TEKT1: variants seen among roughly 807,000 people sequenced by gnomAD.
TEKT1 encodes tektin-1.
A neutral mutation model predicts 34.8 loss-of-function variants in TEKT1; 32 were observed. The observed-to-expected ratio is 0.92, with a 90% CI of 0.69 to 1.23. The LOEUF is 1.23. Among genes scored for constraint, TEKT1 ranks in the 50% most tolerant of loss-of-function variants. The probability of loss-of-function intolerance (pLI) is 0.00; values close to 1 mark genes in which losing one functional copy is unlikely to be tolerated. For missense variants in TEKT1, 492 were observed against 518.5 expected, an observed-to-expected ratio of 0.95 and a Z score of 0.50; for synonymous variants, 207 against 199.8, an observed-to-expected ratio of 1.04 and a Z score of -0.30.
chr17:6,823,914 C>G (rs1385982513), intron 2 of TEKT1, among the ~76,000 whole-genome samples: 1 of 151,316 alleles, frequency 6.6e-6, no homozygotes, highest in East Asian at 2.0e-4. Flanking sequence ...GCTCCGCCTC[C>G]CAGGTTCACA....
Position 6,811,779 on chromosome 17 carries a change from A to G in TEKT1, c.852+1052T>C, listed in dbSNP as rs893986739. On this transcript the variant is annotated intron_variant, in intron 6 of 7. Transcript: ENST00000338694. This position sits in a 1 kb window ranked among gnomAD's most constrained non-coding sequence, Gnocchi z 4.4. ...CTCTGTTTCAGCTTCACCAGCAGTA[A>G]AGCGTAGGGTGGGCTGACAGTGGCC... Among the ~76,000 whole-genome samples the G allele has an allele frequency of 4.6e-5, 7 of 152,140 alleles. No homozygotes were observed. The highest frequency in any genetic ancestry group is 7.4e-5 in the Non-Finnish European group (5 of 68,016).
At position 6,800,079 on chromosome 17, in the gene TEKT1, C is replaced by G; in HGVS notation, c.1205G>C (p.Gly402Ala). ...CCCAGCCCAGACCCCATGGTCTTCC[C>G]CATCCCGAAGTGGGATGGATTTCCT... is the stretch of plus-strand genomic sequence containing the variant. ...QMRKSIPLRD[G>A]EDHGVWAGGL... is the part of the protein sequence containing the mutation. The change falls in exon 8 of 8, where the codon GGG becomes GCG. Residue 402 changes from glycine (G) to alanine (A), a missense_variant. Transcript: ENST00000338694. 1.9e-6 allele frequency: 3 copies of G among 1,613,134 alleles called. No homozygotes were observed. Among genetic ancestry groups the G allele is most frequent in the Non-Finnish European group, 2.5e-6 (3 of 1,179,972 alleles).
chr17:6,813,274 T>G (rs920103360), intron 5 of TEKT1, among the ~76,000 whole-genome samples: 4 of 152,144 alleles, frequency 2.6e-5, no homozygotes, highest in Non-Finnish European at 4.4e-5. Context: ...TCTCATTTAA[T>G]CCTCATGATG....
rs541294363 is a variant in TEKT1 at position 6,823,191 on chromosome 17, A to G, written c.191-3833T>C. On this transcript the variant is annotated intron_variant, in intron 2 of 7. Transcript: ENST00000338694. ...AGCCAGAGTGAAGAGGAAGCTCTTT[A>G]TAAAGACTTTCAACCAATCTTGTTT... 1.1e-3 allele frequency among the ~76,000 whole-genome samples: 174 copies of G among 152,290 alleles called. 2 individuals are homozygous for G. In the South Asian group the frequency reaches 0.025, roughly 22 times the overall value.
chr17:6,815,777 A>G (rs539109608), intron 4 of TEKT1, 57 bp downstream of exon 4: 2 of 1,605,926 alleles, frequency 1.2e-6, no homozygotes, highest in Non-Finnish European at 1.7e-6. Context: ...TTTTGTGGAC[A>G]CTGCCTTTTC....
At chr17:6,803,618 C>G (rs1469355651) in intron 6 of TEKT1, among the ~76,000 whole-genome samples, 1 of 152,096 alleles carries the variant, frequency 6.6e-6, no homozygotes, top group Non-Finnish European at 1.5e-5. Flanking sequence ...CTTTAATCCA[C>G]TTTGAATTGA....
rs915971660 is a variant in TEKT1 at position 6,819,206 on chromosome 17, A to G, written c.343T>C (p.Cys115Arg). ...LKEPLHITET[C>R]LAYREKRIGI... ...CTTCGCTCCTACCTGTATGCCAGGCATGTCTCAGTGATGTGCAAGGGCTCT... is the reference window on the plus strand; with the variant it reads ...CTTCGCTCCTACCTGTATGCCAGGCGTGTCTCAGTGATGTGCAAGGGCTCT... Residue 115 changes from cysteine (C) to arginine (R), a missense_variant, in exon 3 of 8, where the codon TGC becomes CGC. Coordinates refer to ENST00000338694, the MANE Select transcript of TEKT1 (RefSeq NM_053285.2). 1 of 1,612,632 alleles carries G rather than the reference A, an allele frequency of 6.2e-7. No homozygotes were observed. Among genetic ancestry groups the G allele is most frequent in the Non-Finnish European group, 8.5e-7 (1 of 1,179,536 alleles).
chr17:6,816,964 G>C (rs1977015473), intron 3 of TEKT1, among the ~76,000 whole-genome samples: 1 of 152,128 alleles, frequency 6.6e-6, no homozygotes, highest in South Asian at 2.1e-4. Flanking sequence ...GTTTTGATTT[G>C]CAGCCAGATG....
At chr17:6,823,665 C>T (rs902584214) in intron 2 of TEKT1, among the ~76,000 whole-genome samples, 3 of 152,128 alleles carry the variant, frequency 2.0e-5, no homozygotes, top group Non-Finnish European at 2.9e-5. Flanking sequence ...TGTGTACCCT[C>T]CACTATCCTA....
At chr17:6,809,017 T>C (rs9914923) in intron 6 of TEKT1, among the ~76,000 whole-genome samples, 87,760 of 151,962 alleles carry the variant, frequency 0.58, 25,511 homozygotes, top group African/African-American at 0.64. Flanking sequence ...TCTTTAGAGC[T>C]GTTTTAAGTT....
chr17:6,828,250 T>A (rs1441859580), intron 2 of TEKT1, among the ~76,000 whole-genome samples: 1 of 152,156 alleles, frequency 6.6e-6, no homozygotes, highest in Admixed American at 6.5e-5. Flanking sequence ...GGGCGCCTTC[T>A]CATTTTTAAC....
chr17:6,826,293 A>C (rs1904393240), intron 2 of TEKT1, among the ~76,000 whole-genome samples: 1 of 152,044 alleles, frequency 6.6e-6, no homozygotes, highest in Admixed American at 6.6e-5. Flanking sequence ...TTGTTTATTG[A>C]GTTATCTGCC....
chr17:6,819,051 G>C, intron 3 of TEKT1, 142 bp downstream of exon 3: 1 of 984,700 alleles, frequency 1.0e-6, no homozygotes, highest in Non-Finnish European at 1.5e-6. Context: ...AGCACCAGGG[G>C]CATGCTGGGA....
rs1227137410 is a variant in TEKT1, at chr17:6,831,661, C to T, written c.-30G>A. The T allele has an allele frequency of 6.6e-6, 1 of 152,232 alleles. No homozygotes were observed. The highest frequency in any genetic ancestry group is 6.5e-5 in the Admixed American group (1 of 15,274). The allele number at this position is 152,232 out of a possible 1,614,324, so 9.4% of individuals were successfully genotyped here. ...ATGGTTTACTTACCTCAGCGCCACA[C>T]AGAACCACTACGCAAGCTCGGGATG... On this transcript the variant is annotated 5_prime_UTR_variant, in exon 1 of 8. In the 5' UTR this introduces an upstream ATG that the reference lacks. Coordinates refer to ENST00000338694, the MANE Select transcript of TEKT1 (RefSeq NM_053285.2).
intron 6 of TEKT1, among the ~76,000 whole-genome samples, chr17:6,805,786 T>C (rs1019905208): frequency 2.0e-5 from 3 of 152,136 alleles, no homozygotes; most frequent in African/African-American, 7.2e-5. Context: ...TTTGAGTGAG[T>C]TTCTTAATCC....
chr17:6,820,788 G>A (rs895897546), intron 2 of TEKT1, among the ~76,000 whole-genome samples: 2 of 152,108 alleles, frequency 1.3e-5, no homozygotes, highest in Non-Finnish European at 1.5e-5. Flanking sequence ...TTCCTGGATT[G>A]TATTTCTTCC....
At chr17:6,808,839 C>T (rs1976886526) in intron 6 of TEKT1, among the ~76,000 whole-genome samples, 1 of 152,140 alleles carries the variant, frequency 6.6e-6, no homozygotes, top group Non-Finnish European at 1.5e-5. Context: ...TTTACAAATA[C>T]CTTAACCATC....
In TEKT1 at chr17:6,799,616, G is replaced by GA. The variant is rs201535860; in HGVS notation, c.*410dup. The GA allele has an allele frequency of 0.066, 10,236 of 154,878 alleles. 385 individuals carry two copies. Among genetic ancestry groups the GA allele is most frequent in the Middle Eastern group, 0.17 (50 of 296 alleles). 9.6% of individuals were successfully genotyped at this position (154,878 alleles called of 1,614,324 possible). A position where few individuals can be genotyped will look rare whatever the true frequency, so the allele number is the denominator to read the frequency against. On this transcript the variant is annotated 3_prime_UTR_variant, in exon 8 of 8. Transcript: ENST00000338694. The stretch of plus-strand genomic sequence containing the variant: ...CTTTATGTTATTTGAGTATTTAAGA[G>GA]AAAAAAAACACATTATTTTCTAGAG...
intron 2 of TEKT1, among the ~76,000 whole-genome samples, chr17:6,820,070 GATA>G (rs1428074203): frequency 8.5e-5 from 13 of 152,124 alleles, no homozygotes; most frequent in Non-Finnish European, 1.9e-4. Flanking sequence ...TGTGATGAAA[GATA>G]ATGATTTGCT....
Sources: gnomAD v4.1 joint callset for allele counts (sites outside exome capture counted in the v4.1 genomes callset) on GRCh38, gnomAD v4.1.1 for gene constraint, Gnocchi (gnomAD v3.1) non-coding constraint, MANE v1.5 for transcripts, NCBI Gene and HGNC (gene_info 2026-07-23, HGNC 2026-07-21) for gene names.